The following PSMG2 variants were observed in gnomAD, a reference collection of about 807,000 sequenced individuals.
PSMG2 encodes proteasome assembly chaperone 2, also known as CD40 ligand-activated specific transcript 3.
A neutral mutation model predicts 31.5 loss-of-function variants in PSMG2; 21 were observed. That is an observed-to-expected ratio of 0.67 (90% CI 0.47 to 0.96). The LOEUF (loss-of-function observed/expected upper bound fraction) is 0.96, where lower values mean the gene tolerates loss of function less well. Ranked by LOEUF, PSMG2 falls within the 40% of genes least tolerant of loss-of-function variation. The pLI is 0.00. For synonymous variants in PSMG2, 120 were observed against 110.4 expected (o/e 1.09, Z -0.54); for missense variants, 318 against 321.2 (o/e 0.99, Z 0.08).
intron 1 of PSMG2, among the ~76,000 whole-genome samples, chr18:12,682,158 ATTTC>A (rs2039373683): frequency 6.6e-6 from 1 of 151,900 alleles, no homozygotes; most frequent in Non-Finnish European, 1.5e-5. Flanking sequence ...GAATGAAGAA[ATTTC>A]TTTTTTTTTT....
At chr18:12,675,118 C>T (rs762824695) in intron 1 of PSMG2, among the ~76,000 whole-genome samples, 6 of 151,886 alleles carry the variant, frequency 4.0e-5, no homozygotes, top group South Asian at 2.1e-4. Context: ...GAGTTTAGGC[C>T]GGGTGCGGTG....
At chr18:12,701,005 G>A (rs927393995), upstream of PSMG2, 2 of 1,613,790 alleles carry the variant, frequency 1.2e-6, no homozygotes, top group Non-Finnish European at 8.5e-7. Flanking sequence ...ATTCCTCGAC[G>A]TCTAAGGGCT....
At chr18:12,670,912 G>T (rs1383859227) in intron 1 of PSMG2, 1 of 151,920 alleles carries the variant, frequency 6.6e-6, no homozygotes, top group Non-Finnish European at 1.5e-5. Context: ...GCCTCCCAGA[G>T]TACTGGAATT....
intron 1 of PSMG2, chr18:12,674,591 A>G (rs1292070390): frequency 6.2e-7 from 1 of 1,614,098 alleles, no homozygotes; most frequent in East Asian, 2.2e-5. Flanking sequence ...TGTATTGGGA[A>G]CCCTTTAAAT....
intron 5 of PSMG2, among the ~76,000 whole-genome samples, chr18:12,721,614 CT>C (rs967578942): frequency 6.6e-6 from 1 of 151,750 alleles, no homozygotes; most frequent in African/African-American, 2.4e-5. Context: ...TGAGTCTTTT[CT>C]TTTTTTTCCT....
chr18:12,710,035 C>T (rs972233400), intron 2 of PSMG2, among the ~76,000 whole-genome samples: 2 of 151,518 alleles, frequency 1.3e-5, no homozygotes, highest in Non-Finnish European at 2.9e-5. Context: ...CTCTGCCTCC[C>T]GGGTTCACGC....
At chr18:12,680,822 A>G in intron 1 of PSMG2, 3 of 1,608,324 alleles carry the variant, frequency 1.9e-6, no homozygotes, top group Non-Finnish European at 2.5e-6. Flanking sequence ...TGATCTTCAC[A>G]GTCACCCTGG....
Position 12,718,535 on chromosome 18 carries a change from T to A in PSMG2, c.307T>A (p.Cys103Ser). ...IFIKYKSKPF[C>S]EKLLSWVKSS... ...TGCAAAGTATAAATCAAAGCCATTCTGTGAAAAACTGCTTTCCTGGGTGAA... is the reference window on the plus strand; with the variant it reads ...TGCAAAGTATAAATCAAAGCCATTCAGTGAAAAACTGCTTTCCTGGGTGAA... The change falls in exon 4 of 7, where the codon TGT becomes AGT. Residue 103 changes from cysteine to serine, a missense_variant. Physicochemically the swap from Cys to Ser is moderately radical, Grantham distance 112 (BLOSUM62 -1). Coordinates refer to ENST00000317615, the MANE Select transcript of PSMG2 (RefSeq NM_020232.5). 2.5e-6 allele frequency: 4 copies of A among 1,610,006 alleles called. No homozygotes were observed. Among genetic ancestry groups the A allele is most frequent in the Non-Finnish European group, 3.4e-6 (4 of 1,177,986 alleles).
At chr18:12,686,080 G>T in intron 1 of PSMG2, 3 of 476,566 alleles carry the variant, frequency 6.3e-6, no homozygotes, top group East Asian at 3.4e-5. Flanking sequence ...TTTTATTATT[G>T]TAATTTTTTA....
chr18:12,663,852 C>T (rs956781430), intron 1 of PSMG2, among the ~76,000 whole-genome samples: 5 of 152,160 alleles, frequency 3.3e-5, no homozygotes, highest in African/African-American at 9.7e-5. Context: ...TCACTGCAAC[C>T]TCTAACTCCT....
In PSMG2 at chr18:12,725,492, A is replaced by G. The variant is rs1391560594; in HGVS notation, c.756A>G (p.Arg252=). 1.1e-5 allele frequency: 17 copies of G among 1,607,620 alleles called. No individual in the cohort carries two copies. The African/African-American group carries it at 1.1e-4, about 10-fold the overall frequency. The change falls in exon 7 of 7, where the codon AGA becomes AGG. Residue 252 remains arginine, a synonymous_variant. Coordinates refer to ENST00000317615, the MANE Select transcript of PSMG2 (RefSeq NM_020232.5). The part of the protein sequence containing the change: ...ASRWKIPSSW[R]LLFGSGLPPA... ...GGTGGAAAATACCAAGTTCTTGGAG[A>G]TTACTCTTTGGCAGTGGTCTTCCCC... is the stretch of plus-strand genomic sequence containing the variant.
chr18:12,679,985 G>T (rs551189829), intron 1 of PSMG2, among the ~76,000 whole-genome samples: 1 of 151,908 alleles, frequency 6.6e-6, no homozygotes, highest in East Asian at 1.9e-4. Context: ...GAACCCAGGA[G>T]GGGGAGGCTG....
rs907557677 is a variant in PSMG2, at chr18:12,691,578, T to C, written c.-36-14972T>C. On this transcript the variant is annotated intron_variant, in intron 1 of 6. Coordinates refer to the PSMG2 transcript ENST00000585331. ...CAAATTTATCTACTTCTCTACATCA[T>C]TACCACCCTAATCTGAGTCATCATC... is the stretch of plus-strand genomic sequence containing the variant. 7 of 898,212 alleles carry C rather than the reference T, an allele frequency of 7.8e-6. No homozygotes were observed. In the East Asian group the frequency reaches 1.6e-4, roughly 21 times the overall value. 55.6% of individuals were successfully genotyped at this position (898,212 alleles called of 1,614,324 possible). A position where few individuals can be genotyped will look rare whatever the true frequency, so the allele number is the denominator to read the frequency against.
At chr18:12,673,012 C>G (rs1598612515) in intron 1 of PSMG2, 1 of 1,006,234 alleles carries the variant, frequency 9.9e-7, no homozygotes, top group Non-Finnish European at 1.2e-6. Context: ...GTCTAGGGCT[C>G]AAACCCTTAG....
At chr18:12,667,869 TA>T (rs1164195300) in intron 1 of PSMG2, among the ~76,000 whole-genome samples, 20 of 115,982 alleles carry the variant, frequency 1.7e-4, no homozygotes, top group Non-Finnish European at 3.8e-5. Flanking sequence ...TTTTTTTTTT[TA>T]AATAGAACAA....
At chr18:12,718,679 C>G (rs773146461) in intron 4 of PSMG2, 44 bp downstream of exon 4, 1 of 1,353,112 alleles carries the variant, frequency 7.4e-7, no homozygotes, top group Admixed American at 2.2e-5. Context: ...ATGGTTTATA[C>G]TATGATAATT....
At chr18:12,702,510 C>T (rs1350983525), upstream of PSMG2, 6 of 1,610,142 alleles carry the variant, frequency 3.7e-6, no homozygotes, top group Non-Finnish European at 5.1e-6. Context: ...GGTGGATGAG[C>T]TGCTTCAGCT....
At chr18:12,667,718 G>A (rs1322109164) in intron 1 of PSMG2, among the ~76,000 whole-genome samples, 1 of 145,842 alleles carries the variant, frequency 6.9e-6, no homozygotes, top group Non-Finnish European at 1.5e-5. Flanking sequence ...CCAAGATCGT[G>A]CCACTGCACT....
At position 12,712,765 on chromosome 18, in the gene PSMG2, G is replaced by A. The variant is rs774540721; in HGVS notation, c.288+5G>A. Reference sequence around the variant, plus strand: ...TTAAGATCCATTTTTATTAAGGTTAGTATGTTGTAGTTTGCCTTTTTGTTT... The same window carrying A: ...TTAAGATCCATTTTTATTAAGGTTAATATGTTGTAGTTTGCCTTTTTGTTT... On this transcript the variant is annotated splice_donor_5th_base_variant and intron_variant, in intron 3 of 6. Transcript: ENST00000317615. 5 of 1,598,438 alleles carry A rather than the reference G, an allele frequency of 3.1e-6. No homozygotes were observed. In the African/African-American group the frequency reaches 6.7e-5, roughly 21 times the overall value.
Sources: gnomAD v4.1 joint callset for allele counts (sites outside exome capture counted in the v4.1 genomes callset) on GRCh38, gnomAD v4.1.1 for gene constraint, MANE v1.5 for transcripts, NCBI Gene and HGNC (gene_info 2026-07-23, HGNC 2026-07-21) for gene names.